Variants in NSG2 observed in about 807,000 individuals in gnomAD.
NSG2 encodes the protein neuronal vesicle trafficking associated 2.
In NSG2, 4 loss-of-function variants were observed where a neutral mutation model predicts 16.9. The observed-to-expected ratio is 0.24, with a 90% CI of 0.12 to 0.54. The LOEUF (loss-of-function observed/expected upper bound fraction) is 0.54, where lower values mean the gene tolerates loss of function less well. Among genes scored for constraint, NSG2 ranks in the 20% least tolerant of loss-of-function variants. The pLI, the probability that NSG2 is intolerant of heterozygous loss-of-function variation, is 0.95. For synonymous variants in NSG2, 98 were observed against 88.7 expected (o/e 1.11, Z -0.59); for missense variants, 179 against 221.1 (o/e 0.81, Z 1.21).
chr5:174,076,219 G>A (rs923069035), intron 3 of NSG2, among the ~76,000 whole-genome samples: 21 of 152,282 alleles, frequency 1.4e-4, no homozygotes, highest in African/African-American at 5.1e-4. Flanking sequence ...ACAGCGCCCG[G>A]CATGCAGTAG....
chr5:174,073,929 C>A (rs928618901), intron 3 of NSG2, among the ~76,000 whole-genome samples: 4 of 152,138 alleles, frequency 2.6e-5, no homozygotes, highest in Non-Finnish European at 4.4e-5. Context: ...TATGGGACTC[C>A]TGCAGGGGTG....
chr5:174,070,139 G>A (rs1454452454), intron 3 of NSG2, among the ~76,000 whole-genome samples: 3 of 151,742 alleles, frequency 2.0e-5, no homozygotes, highest in Middle Eastern at 3.2e-3. Flanking sequence ...CTCCTGCCTC[G>A]GCCTCCCAAA....
chr5:174,107,183 G>C lies in NSG2; in HGVS notation c.325-131G>C. ...GGAAGGCTGCTGCGTGCCAGGCCCA[G>C]GTCAGGAGCTGTCACCTGCCCTCTG... On this transcript the variant is annotated intron_variant, in intron 4 of 4. Transcript: ENST00000303177. This position sits in a 1 kb window ranked among gnomAD's most constrained non-coding sequence, Gnocchi z 4.5. 1 of 724,596 alleles carries C rather than the reference G, an allele frequency of 1.4e-6. No individual in the cohort carries two copies. The highest frequency in any genetic ancestry group is 2.7e-5 in the East Asian group (1 of 36,594). The allele number at this position is 724,596 out of a possible 1,614,324, so 44.9% of individuals were successfully genotyped here. A position where few individuals can be genotyped will look rare whatever the true frequency, so the allele number is the denominator to read the frequency against.
intron 3 of NSG2, among the ~76,000 whole-genome samples, chr5:174,080,585 CAG>C (rs1207574991): frequency 3.1e-4 from 44 of 143,148 alleles, no homozygotes; most frequent in African/African-American, 9.9e-4. Flanking sequence ...TCTTTCTTGA[CAG>C]AGTCTGTTCT....
rs573648437 is a variant in NSG2, at chr5:174,070,917, A to T, written c.213+6602A>T. Among the ~76,000 whole-genome samples, 19 of 152,268 alleles carry T rather than the reference A, an allele frequency of 1.2e-4. No individual in the cohort carries two copies. The South Asian group carries it at 3.7e-3, about 30-fold the overall frequency. ...ATGGAGCAGGCTTTGGGTGTGTTGC[A>T]TTGTGGGCCCTGTCTCTTGGGATGG... On this transcript the variant is annotated intron_variant, in intron 3 of 4. Coordinates refer to ENST00000303177, the MANE Select transcript of NSG2 (RefSeq NM_015980.5).
rs1298129417 is a variant in NSG2 at position 174,109,165 on chromosome 5, T to C, written c.*1660T>C. ...TTTTCTGACAGGAAACAAATAAAGA[T>C]AGATGTGTCTGAGAGTCTTGACCTT... On this transcript the variant is annotated 3_prime_UTR_variant, in exon 5 of 5. Coordinates refer to ENST00000303177, the MANE Select transcript of NSG2 (RefSeq NM_015980.5). 2.6e-5 allele frequency: 4 copies of C among 152,820 alleles called. No individual in the cohort carries two copies. The highest frequency in any genetic ancestry group is 4.4e-5 in the Non-Finnish European group (3 of 68,050). 9.5% of individuals were successfully genotyped at this position (152,820 alleles called of 1,614,324 possible).
chr5:174,097,981 A>AGG (rs1277861108), intron 3 of NSG2, among the ~76,000 whole-genome samples: 2 of 151,734 alleles, frequency 1.3e-5, no homozygotes, highest in Non-Finnish European at 2.9e-5. Context: ...AAAGGGTGCG[A>AGG]CTCGCTTGCT....
intron 2 of NSG2, among the ~76,000 whole-genome samples, chr5:174,061,195 A>T (rs1581220109): frequency 6.6e-6 from 1 of 152,326 alleles, no homozygotes; most frequent in East Asian, 1.9e-4. Context: ...AAAATTGTAA[A>T]TCCAAGTTTG....
At chr5:174,088,004 A>C (rs1351483821) in intron 3 of NSG2, among the ~76,000 whole-genome samples, 1 of 152,114 alleles carries the variant, frequency 6.6e-6, no homozygotes, top group Non-Finnish European at 1.5e-5. Context: ...ATGGGCAGTA[A>C]ACAGGCCCTC....
intron 2 of NSG2, among the ~76,000 whole-genome samples, chr5:174,054,720 C>G (rs1759940888): frequency 6.6e-6 from 1 of 152,168 alleles, no homozygotes; most frequent in Non-Finnish European, 1.5e-5. Flanking sequence ...ATTTCACAGA[C>G]AGTGAATGGT....
chr5:174,065,360 C>T (rs866318768), intron 3 of NSG2, among the ~76,000 whole-genome samples: 2 of 151,886 alleles, frequency 1.3e-5, no homozygotes, highest in South Asian at 2.1e-4. Flanking sequence ...ACAGTGAGGC[C>T]GGGCTCTAGG....
intron 4 of NSG2, among the ~76,000 whole-genome samples, chr5:174,106,520 G>A (rs1446725741): frequency 7.3e-6 from 1 of 136,628 alleles, no homozygotes; most frequent in Non-Finnish European, 1.5e-5. Flanking sequence ...TTTTGTGACT[G>A]TTCTATGTTT....
chr5:174,060,923 G>C (rs981213540), intron 2 of NSG2, among the ~76,000 whole-genome samples: 1 of 152,066 alleles, frequency 6.6e-6, no homozygotes, highest in African/African-American at 2.4e-5. Flanking sequence ...TGTAATCATG[G>C]GAGGGACTAG....
intron 4 of NSG2, among the ~76,000 whole-genome samples, chr5:174,105,472 G>T (rs924316872): frequency 1.3e-5 from 2 of 152,144 alleles, no homozygotes; most frequent in Admixed American, 6.5e-5. Flanking sequence ...TGATGTATTT[G>T]CCTTATCCTA....
At chr5:174,048,592 C>A (rs1759836967) in intron 2 of NSG2, among the ~76,000 whole-genome samples, 1 of 152,130 alleles carries the variant, frequency 6.6e-6, no homozygotes, top group South Asian at 2.1e-4. Context: ...TATAGCCTTG[C>A]AGATCTGCAT....
At chr5:174,106,691 T>TTCAAGCGA (rs1300870656) in intron 4 of NSG2, among the ~76,000 whole-genome samples, 1 of 146,102 alleles carries the variant, frequency 6.8e-6, no homozygotes, top group African/African-American at 2.5e-5. Context: ...GCCTCCTGGG[T>TTCAAGCGA]TCAAGCGATT....
At position 174,109,094 on chromosome 5, in the gene NSG2, CAGTA is replaced by C. The variant is rs1263560707; in HGVS notation, c.*1590_*1593del. The C allele has an allele frequency of 6.5e-6, 1 of 152,754 alleles. No individual in the cohort carries two copies. Among genetic ancestry groups the C allele is most frequent in the African/African-American group, 2.4e-5 (1 of 41,442 alleles). The allele number at this position is 152,754 out of a possible 1,614,324, so 9.5% of individuals were successfully genotyped here. A position where few individuals can be genotyped will look rare whatever the true frequency, so the allele number is the denominator to read the frequency against. On this transcript the variant is annotated 3_prime_UTR_variant, in exon 5 of 5. Transcript: ENST00000303177. ...TTATAATTTTGTGGTGTATTTTTGT[CAGTA>C]GGTAGCAGAGGCGGAAGTATTTTTT...
In NSG2 at chr5:174,058,405, T is replaced by G. The variant is rs185116124; in HGVS notation, c.130-5827T>G. On this transcript the variant is annotated intron_variant, in intron 2 of 4. Transcript: ENST00000303177. ...GAGATCATGCCACTGCACTCCAGCCTGGGCAAAAGAGCGAGACTCTGTAAA... is the reference window on the plus strand; with the variant it reads ...GAGATCATGCCACTGCACTCCAGCCGGGGCAAAAGAGCGAGACTCTGTAAA... Among the ~76,000 whole-genome samples, 889 of 152,212 alleles carry G rather than the reference T, an allele frequency of 5.8e-3. 5 individuals carry two copies. The highest frequency in any genetic ancestry group is 0.02 in the African/African-American group (847 of 41,536).
chr5:174,071,568 G>A (rs1329365799), intron 3 of NSG2, among the ~76,000 whole-genome samples: 1 of 152,184 alleles, frequency 6.6e-6, no homozygotes, highest in Non-Finnish European at 1.5e-5. Flanking sequence ...TAAAACCCCA[G>A]TTGCAGTTTC....
Sources: gnomAD v4.1 joint callset for allele counts (sites outside exome capture counted in the v4.1 genomes callset) on GRCh38, gnomAD v4.1.1 for gene constraint, Gnocchi (gnomAD v3.1) non-coding constraint, MANE v1.5 for transcripts, NCBI Gene and HGNC (gene_info 2026-07-23, HGNC 2026-07-21) for gene names.